The following SCOC variants were observed in gnomAD, a reference collection of about 807,000 sequenced individuals.
SCOC encodes short coiled-coil protein.
In SCOC, 7 loss-of-function variants were observed where a neutral mutation model predicts 9.9. The ratio of observed to expected loss-of-function variants is 0.71; its 90% CI spans 0.40 to 1.33. The LOEUF (loss-of-function observed/expected upper bound fraction) is 1.33. Ranked by LOEUF, SCOC falls within the 40% of genes most tolerant of loss-of-function variation. The pLI is 0.01. For missense variants in SCOC, 66 were observed against 89.7 expected, an observed-to-expected ratio of 0.74 and a Z score of 1.07; for synonymous variants, 19 against 28.2, an observed-to-expected ratio of 0.67 and a Z score of 1.03.
At chr4:140,280,852 A>T (rs1212225690) in intron 1 of SCOC, among the ~76,000 whole-genome samples, 1 of 152,174 alleles carries the variant, frequency 6.6e-6, no homozygotes, top group African/African-American at 2.4e-5. Flanking sequence ...AATGTTTAAG[A>T]ACCCCTCACA....
Position 140,366,611 on chromosome 4 carries a change from T to C in SCOC, c.71-12510T>C, listed in dbSNP as rs1365254021. 4 of 1,606,612 alleles carry C rather than the reference T, an allele frequency of 2.5e-6. No homozygotes were observed. The East Asian group carries it at 8.9e-5, about 36-fold the overall frequency. ...GCCCATCGTGTGGCTGCCCATTTTG[T>C]ATTGATGTTTGCCTTCTGCCAGGCT... On this transcript the variant is annotated intron_variant, in intron 2 of 4. Coordinates refer to the SCOC transcript ENST00000338517.
chr4:140,344,220 A>G (rs996117), intron 2 of SCOC, among the ~76,000 whole-genome samples: 87,420 of 151,964 alleles, frequency 0.58, 27,056 homozygotes, highest in Non-Finnish European at 0.71. Flanking sequence ...GGAAAGGATA[A>G]CCATGGTTCA....
chr4:140,306,402 C>T (rs1731987710), intron 1 of SCOC, among the ~76,000 whole-genome samples: 1 of 152,082 alleles, frequency 6.6e-6, no homozygotes, highest in Non-Finnish European at 1.5e-5. Context: ...ATATCAGTAC[C>T]CCTCTGAGTA....
upstream of SCOC, among the ~76,000 whole-genome samples, chr4:140,370,512 T>C (rs1231008019): frequency 1.3e-5 from 2 of 152,198 alleles, no homozygotes; most frequent in Admixed American, 1.3e-4. Flanking sequence ...TATTCTGAGG[T>C]GTGGTCTGTT....
intron 1 of SCOC, among the ~76,000 whole-genome samples, chr4:140,303,337 G>A (rs575141684): frequency 6.6e-6 from 1 of 152,220 alleles, no homozygotes; most frequent in South Asian, 2.1e-4. Context: ...CCTACCTCTG[G>A]CCTACCAAGA....
chr4:140,358,839 T>C (rs1018916514), intron 2 of SCOC, among the ~76,000 whole-genome samples: 1 of 152,182 alleles, frequency 6.6e-6, no homozygotes, highest in Non-Finnish European at 1.5e-5. Context: ...TAATCACCAT[T>C]CTATTAAATG....
In SCOC at chr4:140,317,968, G is replaced by A. The variant is rs1239762637; in HGVS notation, c.-18-25653G>A. Among the ~76,000 whole-genome samples the A allele has an allele frequency of 1.7e-3, 249 of 149,024 alleles. 1 individual carries two copies. Among genetic ancestry groups the A allele is most frequent in the African/African-American group, 5.7e-3 (231 of 40,254 alleles). ...GCGGTGTTTGGTTTTTTGTTCTTGCGATAGTTTACTGAGAATGATGGTTTC... is the reference window on the plus strand; with the variant it reads ...GCGGTGTTTGGTTTTTTGTTCTTGCAATAGTTTACTGAGAATGATGGTTTC... On this transcript the variant is annotated intron_variant, in intron 1 of 4. Transcript: ENST00000394205.
intron 2 of SCOC, among the ~76,000 whole-genome samples, chr4:140,363,761 G>C (rs1350035188): frequency 2.6e-5 from 4 of 152,184 alleles, no homozygotes; most frequent in South Asian, 2.1e-4. Context: ...ATCTCTGTGT[G>C]AGCAGTTCAT....
At chr4:140,267,744 G>A (rs143987464) in intron 1 of SCOC, among the ~76,000 whole-genome samples, 23 of 152,028 alleles carry the variant, frequency 1.5e-4, no homozygotes, top group African/African-American at 5.6e-4. Context: ...CCTCTGCCCC[G>A]AGGTGGTGTC....
chr4:140,308,088 C>T (rs1249823713), intron 1 of SCOC, among the ~76,000 whole-genome samples: 1 of 152,178 alleles, frequency 6.6e-6, no homozygotes, highest in Non-Finnish European at 1.5e-5. Flanking sequence ...CAGATCATTG[C>T]TTTCAGAGAG....
intron 1 of SCOC, among the ~76,000 whole-genome samples, chr4:140,268,926 T>C (rs1416727584): frequency 6.6e-6 from 1 of 152,150 alleles, no homozygotes; most frequent in Non-Finnish European, 1.5e-5. Flanking sequence ...GAGCATTTCA[T>C]TGTGGGTTTT....
intron 1 of SCOC, among the ~76,000 whole-genome samples, chr4:140,300,949 G>T (rs999514612): frequency 3.3e-5 from 5 of 152,186 alleles, no homozygotes; most frequent in African/African-American, 1.2e-4. Context: ...GATCAAGTGT[G>T]AGGAGCTGGT....
At position 140,360,347 on chromosome 4, in the gene SCOC, G is replaced by A. The variant is rs189495321; in HGVS notation, c.70+16639G>A. On this transcript the variant is annotated intron_variant, in intron 2 of 4. Coordinates refer to the SCOC transcript ENST00000338517. ...ATAGTTCCCTGTGTAGAACCCCTAA[G>A]TGGCATTCACGGTGTCTTTTCATTT... 3.5e-4 allele frequency among the ~76,000 whole-genome samples: 54 copies of A among 152,252 alleles called. 1 individual carries two copies. The East Asian group carries it at 9.6e-3, about 27-fold the overall frequency.
chr4:140,300,613 A>G lies in SCOC; in HGVS notation c.-18-43008A>G, dbSNP rs1283819699. On this transcript the variant is annotated intron_variant, in intron 1 of 4. Coordinates refer to the SCOC transcript ENST00000394205. Reference sequence around the variant, plus strand: ...GGAACTAAAACCTTCCGAGTGTTTGAATGGAGGCTGTCTGTGCCAGGGAAG... The same window carrying G: ...GGAACTAAAACCTTCCGAGTGTTTGGATGGAGGCTGTCTGTGCCAGGGAAG... 2.0e-5 allele frequency among the ~76,000 whole-genome samples: 3 copies of G among 152,206 alleles called. No individual in the cohort carries two copies. In the East Asian group the frequency reaches 5.8e-4, roughly 29 times the overall value.
At chr4:140,329,132 C>G (rs768641037) in intron 1 of SCOC, among the ~76,000 whole-genome samples, 6 of 152,122 alleles carry the variant, frequency 3.9e-5, no homozygotes, top group Non-Finnish European at 7.4e-5. Context: ...ATAGAGAACC[C>G]AGAAATAAAC....
rs114657566 is a variant in SCOC, at chr4:140,280,945, G to A, written c.-19+23535G>A. Among the ~76,000 whole-genome samples the A allele has an allele frequency of 2.5e-3, 384 of 152,244 alleles. 2 individuals carry two copies. Among genetic ancestry groups the A allele is most frequent in the African/African-American group, 8.6e-3 (358 of 41,546 alleles). ...AAGGCAAAAGACGGAGGCAGATGGA[G>A]GTCAAATTTCATCTATATTGCTACA... On this transcript the variant is annotated intron_variant, in intron 1 of 4. Transcript: ENST00000394205.
At chr4:140,338,180 A>C (rs1449918994) in intron 1 of SCOC, among the ~76,000 whole-genome samples, 2 of 152,234 alleles carry the variant, frequency 1.3e-5, no homozygotes, top group East Asian at 3.8e-4. Flanking sequence ...TCATATAAAC[A>C]GAACCAAAGA....
At chr4:140,317,483 C>G (rs1209472658) in intron 1 of SCOC, among the ~76,000 whole-genome samples, 1 of 152,118 alleles carries the variant, frequency 6.6e-6, no homozygotes, top group Non-Finnish European at 1.5e-5. Context: ...CACGTACCTA[C>G]TGCTTGCTCA....
At chr4:140,288,982 A>T (rs1731387530) in intron 1 of SCOC, among the ~76,000 whole-genome samples, 1 of 152,084 alleles carries the variant, frequency 6.6e-6, no homozygotes, top group Admixed American at 6.5e-5. Context: ...CACAATGCAC[A>T]CACATGCAGA....
Sources: allele counts gnomAD v4.1 joint callset (sites outside exome capture counted in the v4.1 genomes callset), GRCh38; gene constraint gnomAD v4.1.1; transcripts MANE v1.5; gene names NCBI Gene and HGNC (gene_info 2026-07-23, HGNC 2026-07-21).